The following HS3ST4 variants were observed in gnomAD, a reference collection of about 807,000 sequenced individuals.
HS3ST4 encodes heparan sulfate glucosamine 3-O-sulfotransferase 4.
Under a neutral mutation model 29.2 loss-of-function variants are expected in HS3ST4, and 17 were observed. The observed-to-expected ratio is 0.58, with a 90% CI of 0.40 to 0.87. The LOEUF is 0.87. Among genes scored for constraint, HS3ST4 ranks in the 40% least tolerant of loss-of-function variants. HS3ST4 has a pLI of 0.00. For missense variants in HS3ST4, 627 were observed against 634.5 expected (o/e 0.99, Z 0.13); for synonymous variants, 314 against 285.7 (o/e 1.10, Z -1.00).
chr16:25,939,565 C>T (rs1291266182), intron 1 of HS3ST4, among the ~76,000 whole-genome samples: 1 of 151,928 alleles, frequency 6.6e-6, no homozygotes, highest in Non-Finnish European at 1.5e-5. Context: ...TCTGGAACTC[C>T]CAACCTCAGA....
At chr16:25,742,270 G>T (rs887530260) in intron 1 of HS3ST4, among the ~76,000 whole-genome samples, 1 of 152,240 alleles carries the variant, frequency 6.6e-6, no homozygotes, top group South Asian at 2.1e-4. Flanking sequence ...GAAATGGTAC[G>T]CAGAAGCTCC....
At chr16:25,693,664 C>A (rs1476321091) in intron 1 of HS3ST4, among the ~76,000 whole-genome samples, 1 of 152,166 alleles carries the variant, frequency 6.6e-6, no homozygotes, top group African/African-American at 2.4e-5. Flanking sequence ...GGAACAGTTA[C>A]AAAGATCATG....
At chr16:25,941,561 G>A (rs1968572335) in intron 1 of HS3ST4, among the ~76,000 whole-genome samples, 1 of 151,610 alleles carries the variant, frequency 6.6e-6, no homozygotes, top group South Asian at 2.1e-4. Context: ...TTTTGTTTTT[G>A]CTTCGTTTTT....
At chr16:25,873,816 C>T (rs562221690) in intron 1 of HS3ST4, among the ~76,000 whole-genome samples, 6 of 152,174 alleles carry the variant, frequency 3.9e-5, no homozygotes, top group Non-Finnish European at 8.8e-5. Context: ...ACCTATTCTT[C>T]CATCCATGCA....
At chr16:25,875,555 A>G (rs1967822063) in intron 1 of HS3ST4, among the ~76,000 whole-genome samples, 2 of 152,088 alleles carry the variant, frequency 1.3e-5, no homozygotes, top group Non-Finnish European at 2.9e-5. Flanking sequence ...AGTAGAATCA[A>G]TTTCTAGCAA....
At chr16:25,904,806 A>T (rs1192966074) in intron 1 of HS3ST4, among the ~76,000 whole-genome samples, 4 of 152,226 alleles carry the variant, frequency 2.6e-5, no homozygotes, top group African/African-American at 9.6e-5. Context: ...CATGTATAAA[A>T]AAAGTATTTA....
At chr16:25,998,947 A>G (rs1489578783) in intron 1 of HS3ST4, among the ~76,000 whole-genome samples, 2 of 152,170 alleles carry the variant, frequency 1.3e-5, no homozygotes, top group African/African-American at 4.8e-5. Context: ...CTGTTCCTGA[A>G]AGGTTTGATA....
chr16:25,986,782 G>A (rs1391500912), intron 1 of HS3ST4, among the ~76,000 whole-genome samples: 2 of 152,232 alleles, frequency 1.3e-5, no homozygotes, highest in Non-Finnish European at 2.9e-5. Flanking sequence ...AGGGAGGCAT[G>A]GTGGCGCTTG....
At chr16:26,086,193 G>A (rs1015014101) in intron 1 of HS3ST4, among the ~76,000 whole-genome samples, 10 of 152,032 alleles carry the variant, frequency 6.6e-5, no homozygotes, top group Middle Eastern at 3.4e-3. Context: ...ATGATCACTC[G>A]CCCTCTAGCC....
chr16:25,828,236 TTCTTTCTCTTTC>T (rs1182899182), intron 1 of HS3ST4, among the ~76,000 whole-genome samples: 4 of 81,668 alleles, frequency 4.9e-5, no homozygotes, highest in African/African-American at 1.9e-4. Context: ...CTTTCTTTCT[TTCTTTCTCTTTC>T]TTTCTTTCTT....
chr16:26,085,262 T>C (rs971087619), intron 1 of HS3ST4, among the ~76,000 whole-genome samples: 3 of 152,326 alleles, frequency 2.0e-5, no homozygotes, highest in Admixed American at 2.0e-4. Context: ...CTTCTCGGGA[T>C]TGTGTAGACA....
intron 1 of HS3ST4, among the ~76,000 whole-genome samples, chr16:25,704,387 TAGAG>T (rs560480972): frequency 1.6e-4 from 24 of 152,254 alleles, no homozygotes; most frequent in Admixed American, 3.3e-4. Flanking sequence ...TTCTTACAGA[TAGAG>T]AGATTGAGAC....
intron 1 of HS3ST4, among the ~76,000 whole-genome samples, chr16:26,114,625 C>G (rs1210744544): frequency 6.6e-6 from 1 of 152,140 alleles, no homozygotes; most frequent in African/African-American, 2.4e-5. Flanking sequence ...GGGAGCAGAG[C>G]AGGGAGGTGT....
chr16:26,003,749 G>A (rs931122847), intron 1 of HS3ST4, among the ~76,000 whole-genome samples: 7 of 152,216 alleles, frequency 4.6e-5, no homozygotes, highest in Non-Finnish European at 8.8e-5. Flanking sequence ...CATCTCTTTC[G>A]TGTTGGGGTG....
At chr16:25,813,866 G>A (rs929961917) in intron 1 of HS3ST4, among the ~76,000 whole-genome samples, 7 of 152,196 alleles carry the variant, frequency 4.6e-5, no homozygotes, top group Non-Finnish European at 7.3e-5. Context: ...TAAATAAATT[G>A]TGGTGAGATA....
chr16:25,743,353 CAT>C (rs1235610124), intron 1 of HS3ST4, among the ~76,000 whole-genome samples: 3 of 152,140 alleles, frequency 2.0e-5, no homozygotes, highest in African/African-American at 7.2e-5. Flanking sequence ...ATGAATTAAA[CAT>C]ATAAAGCACT....
chr16:26,074,910 C>T (rs1042279252), intron 1 of HS3ST4, among the ~76,000 whole-genome samples: 4 of 152,120 alleles, frequency 2.6e-5, no homozygotes, highest in South Asian at 2.1e-4. Flanking sequence ...AAACTCACAC[C>T]GGCAAGGCAT....
Position 25,834,606 on chromosome 16 carries a change from A to G in HS3ST4, c.734+141455A>G, listed in dbSNP as rs143536056. 3.0e-4 allele frequency among the ~76,000 whole-genome samples: 45 copies of G among 152,332 alleles called. No homozygotes were observed. In the East Asian group the frequency reaches 6.8e-3, roughly 23 times the overall value. ...TAAAAATATACAAAACATGCTATATATATGTATATAGTTGCATATTGTGTA... is the reference window on the plus strand; with the variant it reads ...TAAAAATATACAAAACATGCTATATGTATGTATATAGTTGCATATTGTGTA... On this transcript the variant is annotated intron_variant, in intron 1 of 1. Coordinates refer to ENST00000331351, the MANE Select transcript of HS3ST4 (RefSeq NM_006040.3).
intron 1 of HS3ST4, among the ~76,000 whole-genome samples, chr16:25,957,314 T>C (rs2141700073): frequency 6.6e-6 from 1 of 152,346 alleles, no homozygotes; most frequent in East Asian, 1.9e-4. Context: ...AGGAAAATAG[T>C]TGCATGTGAT....
Sources: gnomAD v4.1 joint callset for allele counts (sites outside exome capture counted in the v4.1 genomes callset) on GRCh38, gnomAD v4.1.1 for gene constraint, MANE v1.5 for transcripts, NCBI Gene and HGNC (gene_info 2026-07-23, HGNC 2026-07-21) for gene names.